The following TMEM260 variants were observed in gnomAD, a reference collection of about 807,000 sequenced individuals.
The protein encoded by TMEM260 is transmembrane protein 260.
TMEM260 carries 82 observed loss-of-function variants against 88.9 expected under a neutral mutation model. The ratio of observed to expected loss-of-function variants is 0.92; its 90% CI spans 0.77 to 1.11. The LOEUF is 1.11. Among genes scored for constraint, TMEM260 ranks in the 50% least tolerant of loss-of-function variants. TMEM260 has a pLI of 0.00. For synonymous variants in TMEM260, 314 were observed against 309.3 expected (o/e 1.02, Z -0.16); for missense variants, 902 against 853.4 (o/e 1.06, Z -0.71).
At chr14:56,621,460 A>G (rs1373103942) in intron 10 of TMEM260, 71 bp from the exon 11 acceptor site, 1 of 1,143,978 alleles carries the variant, frequency 8.7e-7, no homozygotes, top group Non-Finnish European at 1.2e-6. Context: ...ATGGCATAGA[A>G]AATAAGCCTA....
chr14:56,601,688 G>A (rs890476696), intron 3 of TMEM260, among the ~76,000 whole-genome samples: 1 of 152,092 alleles, frequency 6.6e-6, no homozygotes, highest in African/African-American at 2.4e-5. Flanking sequence ...AAAGGCCAAT[G>A]ATGTCCTTCT....
chr14:56,629,058 G>A (rs977262138), intron 12 of TMEM260, among the ~76,000 whole-genome samples: 1 of 151,878 alleles, frequency 6.6e-6, no homozygotes, highest in Non-Finnish European at 1.5e-5. Context: ...ACCAAGCCCA[G>A]CTAATTTTTG....
chr14:56,659,804 C>A, the TMEM260 span, among the ~76,000 whole-genome samples: 1 of 152,308 alleles, frequency 6.6e-6, no homozygotes, highest in African/African-American at 2.4e-5. Context: ...GATAAAAATA[C>A]ATTTTAAGTG....
intron 7 of TMEM260, chr14:56,612,699 C>CTTT (rs375397623): frequency 2.9e-5 from 4 of 139,276 alleles, no homozygotes; most frequent in Admixed American, 7.2e-5. Flanking sequence ...TTTTCCCCAA[C>CTTT]TTTTTTTTTT....
chr14:56,652,960 T>A (rs993394512), downstream of TMEM260, among the ~76,000 whole-genome samples: 1 of 152,064 alleles, frequency 6.6e-6, no homozygotes, highest in African/African-American at 2.4e-5. Context: ...GTCAATTGAG[T>A]GAGAATTGAC....
rs779641681 is a variant in TMEM260, at chr14:56,605,592, G to T, written c.545G>T (p.Cys182Phe). 2 of 1,555,572 alleles carry T rather than the reference G, an allele frequency of 1.3e-6. No individual in the cohort carries two copies. The highest frequency in any genetic ancestry group is 1.7e-6 in the Non-Finnish European group (2 of 1,152,904). Reference sequence around the variant, plus strand: ...CAGGTAGCTAAAATTGGTGCTTTCTGCTGTGGCCTTAGTTTATGTAACCAG... The same window carrying T: ...CAGGTAGCTAAAATTGGTGCTTTCTTCTGTGGCCTTAGTTTATGTAACCAG... ...RSKVAKIGAF[C>F]CGLSLCNQHT... The change falls in exon 5 of 16, where the codon TGC (cysteine) becomes TTC (phenylalanine). Residue 182 changes from cysteine (C) to phenylalanine (F), a missense_variant. Coordinates refer to ENST00000261556, the MANE Select transcript of TMEM260 (RefSeq NM_017799.4).
At chr14:56,609,335 G>C in intron 6 of TMEM260, 50 bp downstream of exon 6, 1 of 1,540,696 alleles carries the variant, frequency 6.5e-7, no homozygotes, top group Non-Finnish European at 8.9e-7. Flanking sequence ...CAAAACTTCA[G>C]TGCTCTGCCT....
downstream of TMEM260, among the ~76,000 whole-genome samples, chr14:56,653,067 G>A (rs1350074960): frequency 6.6e-6 from 1 of 152,282 alleles, no homozygotes; most frequent in East Asian, 1.9e-4. Context: ...GCCAAGGCAG[G>A]TGGATCACCT....
At chr14:56,617,590 A>G in intron 9 of TMEM260, among the ~76,000 whole-genome samples, 1 of 152,134 alleles carries the variant, frequency 6.6e-6, no homozygotes, top group Non-Finnish European at 1.5e-5. Context: ...TTCTCCTGGA[A>G]TTTTTTTAAC....
At chr14:56,644,369 TCTTTGACAAACCTGACA>T (rs1184210347) in intron 15 of TMEM260, among the ~76,000 whole-genome samples, 1 of 152,136 alleles carries the variant, frequency 6.6e-6, no homozygotes, top group Non-Finnish European at 1.5e-5. Context: ...AAATATCTGA[TCTTTGACAAACCTGACA>T]AAAACAAGCA....
At chr14:56,631,641 G>A (rs1888610654) in intron 12 of TMEM260, among the ~76,000 whole-genome samples, 1 of 148,060 alleles carries the variant, frequency 6.8e-6, no homozygotes, top group African/African-American at 2.5e-5. Flanking sequence ...AAAAAAAAGA[G>A]ACTGTGCAGT....
chr14:56,628,354 C>T (rs554501225), intron 12 of TMEM260, among the ~76,000 whole-genome samples: 26 of 152,238 alleles, frequency 1.7e-4, no homozygotes, highest in African/African-American at 5.8e-4. Context: ...AATATTTTCT[C>T]GCAGTTGCTT....
intron 3 of TMEM260, among the ~76,000 whole-genome samples, chr14:56,590,028 G>T (rs986208938): frequency 6.6e-6 from 1 of 152,164 alleles, no homozygotes; most frequent in Non-Finnish European, 1.5e-5. Flanking sequence ...GTAACAAATA[G>T]TTACCAAGTT....
intron 15 of TMEM260, 141 bp downstream of exon 15, chr14:56,636,739 A>G (rs1026394864): frequency 1.5e-5 from 11 of 710,240 alleles, no homozygotes; most frequent in Middle Eastern, 3.5e-4. Flanking sequence ...AGCAGCACAT[A>G]TGAACAAATC....
At position 56,633,027 on chromosome 14, in the gene TMEM260, A is replaced by AAGG. The variant is rs1888735843; in HGVS notation, c.1581_1583dup (p.Gly528dup). The AAGG allele has an allele frequency of 2.7e-5, 43 of 1,613,870 alleles. No homozygotes were observed. Among genetic ancestry groups the AAGG allele is most frequent in the Non-Finnish European group, 3.6e-5 (43 of 1,179,976 alleles). The stretch of plus-strand genomic sequence containing the variant: ...ACATTTGTTTGCATAGGAATTCATG[A>AAGG]AGGCGACCCAACCTGGAAAAAGAAC... On this transcript the variant is annotated inframe_insertion, in exon 13 of 16. Coordinates refer to ENST00000261556, the MANE Select transcript of TMEM260 (RefSeq NM_017799.4).
chr14:56,636,492 C>T lies in TMEM260; in HGVS notation c.1779-16C>T, dbSNP rs568089192. 1.2e-6 allele frequency: 2 copies of T among 1,611,536 alleles called. No individual in the cohort carries two copies. The highest frequency in any genetic ancestry group is 1.7e-5 in the Admixed American group (1 of 59,994). On this transcript the variant is annotated splice_polypyrimidine_tract_variant and intron_variant, in intron 14 of 15. Coordinates refer to ENST00000261556, the MANE Select transcript of TMEM260 (RefSeq NM_017799.4). ...GACTGTATGATTTTAATGAAGGTTC[C>T]TATCCCCACCCCCAGGATGAAAACA...
At chr14:56,643,144 T>C (rs932024919) in intron 15 of TMEM260, among the ~76,000 whole-genome samples, 2 of 152,104 alleles carry the variant, frequency 1.3e-5, no homozygotes, top group African/African-American at 4.8e-5. Flanking sequence ...AAAGAGGGAA[T>C]CCTCCCTAAC....
In TMEM260 at chr14:56,647,591, T is replaced by A; in HGVS notation, c.*94T>A. ...TCAAGAAAAGAAACTGCATAAAAAA[T>A]TTAAAACTAAGTCATCTCCCAGATA... On this transcript the variant is annotated 3_prime_UTR_variant, in exon 16 of 16. Transcript: ENST00000261556. The A allele has an allele frequency of 7.2e-7, 1 of 1,387,802 alleles. No individual in the cohort carries two copies. Among genetic ancestry groups the A allele is most frequent in the East Asian group, 2.4e-5 (1 of 42,326 alleles). The allele number at this position is 1,387,802 out of a possible 1,614,324, so 86.0% of individuals were successfully genotyped here. A position where few individuals can be genotyped will look rare whatever the true frequency, so the allele number is the denominator to read the frequency against.
intron 1 of TMEM260, among the ~76,000 whole-genome samples, chr14:56,584,018 G>C (rs1052784965): frequency 5.9e-5 from 9 of 151,564 alleles, no homozygotes; most frequent in Non-Finnish European, 1.3e-4. Context: ...GTGTGTGTGT[G>C]TGTGTGTGTA....
Sources: gnomAD v4.1 joint callset for allele counts (sites outside exome capture counted in the v4.1 genomes callset) on GRCh38, gnomAD v4.1.1 for gene constraint, MANE v1.5 for transcripts, NCBI Gene and HGNC (gene_info 2026-07-23, HGNC 2026-07-21) for gene names.